Variants in TMEM201 observed in about 807,000 individuals in gnomAD.
TMEM201 encodes transmembrane protein 201, also known as RP13-15M17.2.
A neutral mutation model predicts 63.4 loss-of-function variants in TMEM201; 26 were observed. The ratio of observed to expected loss-of-function variants is 0.41; its 90% confidence interval spans 0.30 to 0.57. The LOEUF (loss-of-function observed/expected upper bound fraction) is 0.57. Among genes scored for constraint, TMEM201 ranks in the 20% least tolerant of loss-of-function variants. The pLI is 0.29. For missense variants in TMEM201, 794 were observed against 917.7 expected, an observed-to-expected ratio of 0.87 and a Z score of 1.74; for synonymous variants, 417 against 421.6, an observed-to-expected ratio of 0.99 and a Z score of 0.14.
chr1:9,603,791 C>T lies in TMEM201; in HGVS notation c.1160+1519C>T, dbSNP rs1008820897. The T allele has an allele frequency of 3.0e-6, 3 of 985,342 alleles. No homozygotes were observed. The highest frequency in any genetic ancestry group is 1.7e-5 in the African/African-American group (1 of 57,246). 61.0% of individuals were successfully genotyped at this position (985,342 alleles called of 1,614,324 possible). On this transcript the variant is annotated intron_variant, in intron 6 of 10. Coordinates refer to ENST00000340381, the MANE Select transcript of TMEM201 (RefSeq NM_001130924.3). This position sits in a 1 kb window ranked among gnomAD's most constrained non-coding sequence, Gnocchi z 4.5. ...TCACAAGTGAGGAACCCAGGTGCAT[C>T]GGGAGACCCTCGGGGGCTTCTGTGG...
Position 9,607,568 on chromosome 1 carries a change from G to C in TMEM201, c.1172G>C (p.Gly391Ala), listed in dbSNP as rs1644263947. The change falls in exon 7 of 11, where the codon GGA (glycine) becomes GCA (alanine). Residue 391 changes from glycine (G) to alanine (A), a missense_variant. Gly to Ala is a moderately conservative substitution (Grantham distance 60, BLOSUM62 0). Coordinates refer to ENST00000340381, the MANE Select transcript of TMEM201 (RefSeq NM_001130924.3). The surrounding 1 kb of genome is among the most constrained non-coding windows in gnomAD (Gnocchi z 5.4). ...RRFRPRRFFPGDSAGLFPTSP... is the reference protein window; with the variant it reads ...RRFRPRRFFPADSAGLFPTSP... ...ACGGGCCCTTGCAGGTTCTTCCCAG[G>C]AGACTCTGCCGGCCTTTTCCCCACC... 1.9e-6 allele frequency: 3 copies of C among 1,549,552 alleles called. No individual in the cohort carries two copies. Among genetic ancestry groups the C allele is most frequent in the East Asian group, 4.9e-5 (2 of 40,912 alleles).
intron 9 of TMEM201, 60 bp from the exon 10 acceptor site, chr1:9,611,693 C>T (rs571407136): frequency 1.2e-5 from 19 of 1,545,788 alleles, no homozygotes; most frequent in East Asian, 4.9e-5. Context: ...ACAGCTGCCC[C>T]GCGTCTGTCC....
In TMEM201 at chr1:9,610,650, G is replaced by A. The variant is rs1214391692; in HGVS notation, c.1610G>A (p.Gly537Glu). ...AGCCCTGCCCGGCTCAACCTGAAGG[G>A]ACAGAAGCTGCTGCTGTTCCCGTCA... ...LISPARLNLK[G>E]QKLLLFPSPP... Residue 537 changes from glycine (G) to glutamate (E), a missense_variant, in exon 9 of 11, where the codon GGA (glycine) becomes GAA (glutamate). Physicochemically the swap from Gly to Glu is moderately conservative, Grantham distance 98. Coordinates refer to ENST00000340381, the MANE Select transcript of TMEM201 (RefSeq NM_001130924.3). The surrounding 1 kb of genome is among the most constrained non-coding windows in gnomAD (Gnocchi z 4.9). 1 of 1,550,532 alleles carries A rather than the reference G, an allele frequency of 6.4e-7. No homozygotes were observed. Among genetic ancestry groups the A allele is most frequent in the African/African-American group, 1.4e-5 (1 of 73,030 alleles).
chr1:9,605,741 A>T lies in TMEM201; in HGVS notation c.1161-1816A>T, dbSNP rs1250832281. 6.6e-6 allele frequency among the ~76,000 whole-genome samples: 1 copy of T among 152,212 alleles called. No individual in the cohort carries two copies. Among genetic ancestry groups the T allele is most frequent in the Non-Finnish European group, 1.5e-5 (1 of 68,036 alleles). ...AGGTGGCCAGGAGATTCAGCCTTTA[A>T]GCACTGAGGCAGCCCCGGGTGGTGT... On this transcript the variant is annotated intron_variant, in intron 6 of 10. Coordinates refer to ENST00000340381, the MANE Select transcript of TMEM201 (RefSeq NM_001130924.3). This position sits in a 1 kb window ranked among gnomAD's most constrained non-coding sequence, Gnocchi z 5.7.
At position 9,613,306 on chromosome 1, in the gene TMEM201, G is replaced by T. The variant is rs370988193; in HGVS notation, c.*223G>T. 116 of 582,000 alleles carry T rather than the reference G, an allele frequency of 2.0e-4. No homozygotes were observed. Among genetic ancestry groups the T allele is most frequent in the African/African-American group, 1.9e-3 (103 of 53,662 alleles). The allele number at this position is 582,000 out of a possible 1,614,324, so 36.1% of individuals were successfully genotyped here. On this transcript the variant is annotated 3_prime_UTR_variant, in exon 11 of 11. Transcript: ENST00000340381. ...ACACTCTCTGCCCACTCACCTCCTT[G>T]GCTGACATCGGTTGTGTTTGGTGCT... is the stretch of plus-strand genomic sequence containing the variant.
Position 9,601,415 on chromosome 1 carries a change from T to C in TMEM201, c.917T>C (p.Leu306Pro), listed in dbSNP as rs1478395925. Residue 306 changes from leucine (L) to proline (P), a missense_variant, in exon 5 of 11, where the codon CTC becomes CCC. Transcript: ENST00000340381. Reference protein sequence around the residue: ...HQTGVVALGLLTCLLAMLLAG... With the variant: ...HQTGVVALGLPTCLLAMLLAG... ...ACGGGCGTCGTGGCACTGGGCCTAC[T>C]CACCTGCCTGCTGGCAATGCTGCTG... The C allele has an allele frequency of 6.3e-7, 1 of 1,596,748 alleles. No individual in the cohort carries two copies. Among genetic ancestry groups the C allele is most frequent in the Non-Finnish European group, 8.5e-7 (1 of 1,176,034 alleles).
chr1:9,600,807 C>T (rs1321563937), intron 4 of TMEM201, among the ~76,000 whole-genome samples: 2 of 152,122 alleles, frequency 1.3e-5, no homozygotes, highest in African/African-American at 4.8e-5. Flanking sequence ...GTAATCCCAG[C>T]TGCTGCGGAG....
Position 9,605,111 on chromosome 1 carries a change from C to T in TMEM201, c.1161-2446C>T, listed in dbSNP as rs1181102541. ...ACACCAGCTGGCTCGGGGCCCGGCTCGCCTCCTCGCCTTTGCTGGATCATA... is the reference window on the plus strand; with the variant it reads ...ACACCAGCTGGCTCGGGGCCCGGCTTGCCTCCTCGCCTTTGCTGGATCATA... On this transcript the variant is annotated intron_variant, in intron 6 of 10. Coordinates refer to ENST00000340381, the MANE Select transcript of TMEM201 (RefSeq NM_001130924.3). This position sits in a 1 kb window ranked among gnomAD's most constrained non-coding sequence, Gnocchi z 5.7. 1.5e-6 allele frequency: 1 copy of T among 656,320 alleles called. No homozygotes were observed. Among genetic ancestry groups the T allele is most frequent in the Non-Finnish European group, 1.9e-6 (1 of 529,586 alleles). The allele number at this position is 656,320 out of a possible 1,614,324, so 40.7% of individuals were successfully genotyped here.
Position 9,610,476 on chromosome 1 carries a change from C to A in TMEM201, c.1466-30C>A. The A allele has an allele frequency of 2.7e-6, 4 of 1,484,916 alleles. No individual in the cohort carries two copies. Among genetic ancestry groups the A allele is most frequent in the Non-Finnish European group, 3.6e-6 (4 of 1,113,304 alleles). 92.0% of individuals were successfully genotyped at this position (1,484,916 alleles called of 1,614,324 possible). ...GTAGCGTTGCAGTGACAGGAGCCCA[C>A]GTTCACATCATCTTCCTCCCTCCCT... On this transcript the variant is annotated intron_variant, in intron 8 of 10. Transcript: ENST00000340381. The surrounding 1 kb of genome is among the most constrained non-coding windows in gnomAD (Gnocchi z 4.9).
chr1:9,595,571 C>A (rs982439788), intron 1 of TMEM201, among the ~76,000 whole-genome samples: 28 of 152,196 alleles, frequency 1.8e-4, no homozygotes, highest in African/African-American at 6.3e-4. Context: ...CCCTGGGTCC[C>A]CGTGCGGCCG....
At position 9,610,873 on chromosome 1, in the gene TMEM201, G is replaced by A. The variant is rs923400157; in HGVS notation, c.1765+68G>A. ...TGCTGCCAAGAGGCCTGGCTGTGCG[G>A]CGGTGGGGGGGCTCATCCTTGCTCT... On this transcript the variant is annotated intron_variant, in intron 9 of 10. Coordinates refer to ENST00000340381, the MANE Select transcript of TMEM201 (RefSeq NM_001130924.3). This position sits in a 1 kb window ranked among gnomAD's most constrained non-coding sequence, Gnocchi z 4.9. 3.1e-5 allele frequency: 46 copies of A among 1,492,122 alleles called. 1 individual carries two copies. In the South Asian group the frequency reaches 6.0e-4, roughly 19 times the overall value. 92.4% of individuals were successfully genotyped at this position (1,492,122 alleles called of 1,614,324 possible). A position where few individuals can be genotyped will look rare whatever the true frequency, so the allele number is the denominator to read the frequency against.
rs936390999 is a variant in TMEM201, at chr1:9,602,571, A to G, written c.1160+299A>G. ...CTGGCCTGGTGACTGGAATGTGGGC[A>G]GCGCCCACACAGGCTCTGGCCCATG... On this transcript the variant is annotated intron_variant, in intron 6 of 10. Coordinates refer to ENST00000340381, the MANE Select transcript of TMEM201 (RefSeq NM_001130924.3). The G allele has an allele frequency of 3.2e-5, 42 of 1,317,262 alleles. 1 individual carries two copies. The Admixed American group carries it at 4.5e-4, about 14-fold the overall frequency. 81.6% of individuals were successfully genotyped at this position (1,317,262 alleles called of 1,614,324 possible).
In TMEM201 at chr1:9,593,709, C is replaced by T. The variant is rs547154925; in HGVS notation, c.114-2181C>T. 6.6e-5 allele frequency among the ~76,000 whole-genome samples: 10 copies of T among 152,336 alleles called. No homozygotes were observed. In the South Asian group the frequency reaches 1.9e-3, roughly 28 times the overall value. On this transcript the variant is annotated intron_variant, in intron 1 of 10. Transcript: ENST00000340381. The stretch of plus-strand genomic sequence containing the variant: ...CCCCTGCTCAGCTGTCATTGGTCCC[C>T]TAGGCAGGCTCAAGGGTTGACCTTC...
Position 9,613,129 on chromosome 1 carries a change from C to T in TMEM201, c.*46C>T. The stretch of plus-strand genomic sequence containing the variant: ...GAGGGGAGCAACCCGGTGCCTGCTG[C>T]TTCACCACTGCCGGCCTCAGGACCC... On this transcript the variant is annotated 3_prime_UTR_variant, in exon 11 of 11. Transcript: ENST00000340381. The T allele has an allele frequency of 3.9e-6, 6 of 1,528,798 alleles. No homozygotes were observed. Among genetic ancestry groups the T allele is most frequent in the Non-Finnish European group, 5.3e-6 (6 of 1,131,632 alleles). The allele number at this position is 1,528,798 out of a possible 1,614,324, so 94.7% of individuals were successfully genotyped here.
rs947105017 is a variant in TMEM201 at position 9,605,437 on chromosome 1, G to T, written c.1161-2120G>T. Among the ~76,000 whole-genome samples the T allele has an allele frequency of 2.0e-5, 3 of 152,104 alleles. No homozygotes were observed. The highest frequency in any genetic ancestry group is 1.3e-4 in the Admixed American group (2 of 15,276). On this transcript the variant is annotated intron_variant, in intron 6 of 10. Coordinates refer to ENST00000340381, the MANE Select transcript of TMEM201 (RefSeq NM_001130924.3). This position sits in a 1 kb window ranked among gnomAD's most constrained non-coding sequence, Gnocchi z 5.7. ...TTAGTCCCTCTCTGAGACGTGGTTT[G>T]AGGGCACAGGGCAGTCGGGGGGGGT...
chr1:9,596,108 C>G, intron 2 of TMEM201, 98 bp downstream of exon 2: 1 of 1,471,276 alleles, frequency 6.8e-7, no homozygotes, highest in Non-Finnish European at 9.2e-7. Context: ...TGCCCCGGGG[C>G]TCATGGACCC....
intron 6 of TMEM201, chr1:9,602,754 G>T (rs372707799): frequency 6.0e-6 from 6 of 1,006,324 alleles, no homozygotes; most frequent in Non-Finnish European, 7.1e-6. Context: ...TGCCCTGACC[G>T]TGCAGCAGAG....
intron 1 of TMEM201, among the ~76,000 whole-genome samples, chr1:9,593,647 G>A (rs1383336312): frequency 1.3e-5 from 2 of 152,174 alleles, no homozygotes; most frequent in Non-Finnish European, 2.9e-5. Context: ...TGGGGTGGGC[G>A]GGGCTTCATG....
rs973245845 is a variant in TMEM201, at chr1:9,604,626, C to A, written c.1160+2354C>A. The A allele has an allele frequency of 2.0e-6, 2 of 985,630 alleles. No homozygotes were observed. Among genetic ancestry groups the A allele is most frequent in the Non-Finnish European group, 1.2e-6 (1 of 829,940 alleles). The allele number at this position is 985,630 out of a possible 1,614,324, so 61.1% of individuals were successfully genotyped here. ...GGTCATCCTAGGTATGGGTGACCGT[C>A]CCTGAGACATAAGCGAGGTAGATTC... is the stretch of plus-strand genomic sequence containing the variant. On this transcript the variant is annotated intron_variant, in intron 6 of 10. Coordinates refer to ENST00000340381, the MANE Select transcript of TMEM201 (RefSeq NM_001130924.3). This position sits in a 1 kb window ranked among gnomAD's most constrained non-coding sequence, Gnocchi z 4.1.
Sources: allele counts gnomAD v4.1 joint callset (sites outside exome capture counted in the v4.1 genomes callset), GRCh38; gene constraint gnomAD v4.1.1; non-coding constraint Gnocchi (gnomAD v3.1); transcripts MANE v1.5; gene names NCBI Gene and HGNC (gene_info 2026-07-23, HGNC 2026-07-21).